The following OR2L13 variants were observed in gnomAD, a reference collection of about 807,000 sequenced individuals.
The protein encoded by OR2L13 is olfactory receptor 2L13.
OR2L13 carries 14 observed loss-of-function variants against 15.3 expected under a neutral mutation model. That is an observed-to-expected ratio of 0.91 (90% CI 0.60 to 1.43). The LOEUF (loss-of-function observed/expected upper bound fraction) is 1.43, where lower values mean the gene tolerates loss of function less well. Ranked by LOEUF, OR2L13 falls within the 40% of genes most tolerant of loss-of-function variation. The probability of loss-of-function intolerance (pLI) is 0.00; values close to 1 mark genes in which losing one functional copy is unlikely to be tolerated. For synonymous variants in OR2L13, 152 were observed against 142.9 expected, an observed-to-expected ratio of 1.06 and a Z score of -0.45; for missense variants, 367 against 387.9, an observed-to-expected ratio of 0.95 and a Z score of 0.45.
chr1:247,941,858 A>G, the OR2L13 span, among the ~76,000 whole-genome samples: 3 of 152,166 alleles, frequency 2.0e-5, no homozygotes, highest in Admixed American at 2.0e-4. Context: ...AAGTTTCTGT[A>G]TGTTTCAGAT....
the OR2L13 span, among the ~76,000 whole-genome samples, chr1:248,075,731 TC>T: frequency 2.0e-5 from 3 of 152,204 alleles, no homozygotes; most frequent in African/African-American, 7.2e-5. Flanking sequence ...TTGTTTGAGT[TC>T]TTTGTATATT....
At chr1:248,031,266 G>A in the OR2L13 span, among the ~76,000 whole-genome samples, 2 of 152,250 alleles carry the variant, frequency 1.3e-5, no homozygotes, top group East Asian at 3.9e-4. Flanking sequence ...ATATTATATG[G>A]TAGAATTAGA....
the OR2L13 span, among the ~76,000 whole-genome samples, chr1:248,077,166 C>G: frequency 0.056 from 8,436 of 151,472 alleles, 853 homozygotes; most frequent in African/African-American, 0.2. Flanking sequence ...GTATATTGAA[C>G]CAGCCTTGCA....
At chr1:248,042,362 G>C in the OR2L13 span, 1 of 117,660 alleles carries the variant, frequency 8.5e-6, no homozygotes, top group Non-Finnish European at 1.7e-5. Flanking sequence ...TTGTGGGGTG[G>C]GGGGAGGGGG....
chr1:247,979,439 G>T, the OR2L13 span, among the ~76,000 whole-genome samples: 1 of 152,076 alleles, frequency 6.6e-6, no homozygotes, highest in African/African-American at 2.4e-5. Context: ...GTGATATTTT[G>T]CTGAGAATGA....
intron 1 of OR2L13, 145 bp from the exon 2 acceptor site, chr1:248,098,506 A>G (rs1664781599): frequency 6.6e-6 from 1 of 152,216 alleles, no homozygotes; most frequent in Non-Finnish European, 1.5e-5. Context: ...TTAGACAGCT[A>G]TAGAAATGAA....
chr1:248,013,284 G>A, the OR2L13 span, among the ~76,000 whole-genome samples: 2 of 152,118 alleles, frequency 1.3e-5, no homozygotes, highest in Admixed American at 6.6e-5. Flanking sequence ...CATAAAAAGT[G>A]TAGGATTTCA....
chr1:248,005,178 G>T, the OR2L13 span, among the ~76,000 whole-genome samples: 6,622 of 152,180 alleles, frequency 0.044, 463 homozygotes, highest in African/African-American at 0.15. Context: ...ATAACTCAAA[G>T]TGTGGAATTG....
chr1:248,073,948 A>G, the OR2L13 span, among the ~76,000 whole-genome samples: 7 of 151,990 alleles, frequency 4.6e-5, no homozygotes, highest in Admixed American at 4.6e-4. Context: ...GATACAACTC[A>G]TAAGAAAAGC....
the OR2L13 span, among the ~76,000 whole-genome samples, chr1:248,080,600 C>A: frequency 6.6e-6 from 1 of 152,138 alleles, no homozygotes; most frequent in Non-Finnish European, 1.5e-5. Flanking sequence ...CTGCAAAGGA[C>A]GTAAACTCAT....
At chr1:248,074,325 A>C in the OR2L13 span, among the ~76,000 whole-genome samples, 1 of 151,924 alleles carries the variant, frequency 6.6e-6, no homozygotes, top group African/African-American at 2.4e-5. Context: ...GCCAAATGCT[A>C]GTGATGATGG....
the OR2L13 span, among the ~76,000 whole-genome samples, chr1:248,060,136 C>T: frequency 0.29 from 43,936 of 151,854 alleles, 10,391 homozygotes; most frequent in African/African-American, 0.66. Flanking sequence ...TGCATTTATA[C>T]TGACTTTCTA....
the OR2L13 span, among the ~76,000 whole-genome samples, chr1:247,968,954 TC>T: frequency 6.6e-6 from 1 of 152,174 alleles, no homozygotes; most frequent in East Asian, 1.9e-4. Flanking sequence ...AATTTACACT[TC>T]CATCAACAGT....
chr1:247,940,710 G>A, the OR2L13 span, among the ~76,000 whole-genome samples: 7 of 135,250 alleles, frequency 5.2e-5, no homozygotes, highest in Non-Finnish European at 1.1e-4. Flanking sequence ...GAATGATTTT[G>A]TGTGTGTGTG....
At chr1:247,985,117 A>C in the OR2L13 span, among the ~76,000 whole-genome samples, 1 of 151,852 alleles carries the variant, frequency 6.6e-6, no homozygotes, top group Non-Finnish European at 1.5e-5. Context: ...TCTTTTTTTT[A>C]ATACTTTAAG....
At chr1:247,979,528 A>G in the OR2L13 span, among the ~76,000 whole-genome samples, 7 of 143,978 alleles carry the variant, frequency 4.9e-5, no homozygotes, top group African/African-American at 8.6e-5. Flanking sequence ...TTCATGGTGT[A>G]TATGTGCCAC....
the OR2L13 span, among the ~76,000 whole-genome samples, chr1:248,014,983 T>A: frequency 1.3e-5 from 2 of 152,166 alleles, no homozygotes; most frequent in African/African-American, 2.4e-5. Flanking sequence ...ACTTTCATAA[T>A]CACTTTCTGT....
the OR2L13 span, among the ~76,000 whole-genome samples, chr1:247,985,778 C>T: frequency 4.0e-5 from 6 of 151,856 alleles, no homozygotes; most frequent in South Asian, 1.2e-3. Context: ...CCTGTTGTTT[C>T]CTGACTTTTT....
At chr1:247,975,166 T>A in the OR2L13 span, 1 of 403,268 alleles carries the variant, frequency 2.5e-6, no homozygotes, top group Non-Finnish European at 5.0e-6. Context: ...TATGTGCTGA[T>A]GATAATAGGA....
Sources: allele counts gnomAD v4.1 joint callset (sites outside exome capture counted in the v4.1 genomes callset), GRCh38; gene constraint gnomAD v4.1.1; transcripts MANE v1.5; gene names NCBI Gene and HGNC (gene_info 2026-07-23, HGNC 2026-07-21).